ACACA: variants seen among roughly 807,000 people sequenced by gnomAD.
ACACA encodes acetyl-CoA carboxylase 1.
Under a neutral mutation model 296.1 loss-of-function variants are expected in ACACA, and 103 were observed. The ratio of observed to expected loss-of-function variants is 0.35; its 90% confidence interval spans 0.30 to 0.41. The LOEUF is 0.41. Among genes scored for constraint, ACACA ranks in the 10% least tolerant of loss-of-function variants. ACACA has a pLI of 1.00. For synonymous variants in ACACA, 953 were observed against 1,038.6 expected (o/e 0.92, Z 1.58); for missense variants, 1,554 against 2,989.7 (o/e 0.52, Z 11.20).
At chr17:37,212,148 C>A (rs1286089340) in intron 29 of ACACA, among the ~76,000 whole-genome samples, 1 of 152,180 alleles carries the variant, frequency 6.6e-6, no homozygotes, top group Non-Finnish European at 1.5e-5. Context: ...CCTCAGGTTC[C>A]ATTCATCCAG....
In ACACA at chr17:37,223,726, T is replaced by A; in HGVS notation, c.3475-125A>T. 6 of 731,016 alleles carry A rather than the reference T, an allele frequency of 8.2e-6. No individual in the cohort carries two copies. The South Asian group carries it at 8.9e-5, about 11-fold the overall frequency. 45.3% of individuals were successfully genotyped at this position (731,016 alleles called of 1,614,324 possible). On this transcript the variant is annotated intron_variant, in intron 27 of 55. Transcript: ENST00000616317. Reference sequence around the variant, plus strand: ...TTGTCTCTGAATGCCATAATCTCTCTGTGCCTCAGCTTCCTGAGCTACAAA... The same window carrying A: ...TTGTCTCTGAATGCCATAATCTCTCAGTGCCTCAGCTTCCTGAGCTACAAA...
rs191985790 is a variant in ACACA, at chr17:37,190,581, G to A, written c.4572+539C>T. Among the ~76,000 whole-genome samples, 146 of 152,150 alleles carry A rather than the reference G, an allele frequency of 9.6e-4. 1 individual carries two copies. Among genetic ancestry groups the A allele is most frequent in the Middle Eastern group, 3.4e-3 (1 of 294 alleles). ...ATGCATTTCAGAATAGACCCTCAGG[G>A]AAGAAAATATACATAATACATGAGA... On this transcript the variant is annotated intron_variant, in intron 38 of 55. Transcript: ENST00000616317.
At chr17:37,095,415 C>A (rs917817184) in intron 54 of ACACA, among the ~76,000 whole-genome samples, 1 of 152,206 alleles carries the variant, frequency 6.6e-6, no homozygotes, top group East Asian at 1.9e-4. Flanking sequence ...TCCAAAGAAG[C>A]TTTTCAGTCA....
chr17:37,299,971 C>T (rs925523634), intron 3 of ACACA, among the ~76,000 whole-genome samples: 3 of 152,000 alleles, frequency 2.0e-5, no homozygotes, highest in South Asian at 2.1e-4. Flanking sequence ...AAAGTAAGCA[C>T]GTAGAAAGGA....
chr17:37,326,309 G>A (rs752188460), intron 3 of ACACA, among the ~76,000 whole-genome samples: 1 of 152,108 alleles, frequency 6.6e-6, no homozygotes, highest in Admixed American at 6.5e-5. Flanking sequence ...GCCAAGGCAG[G>A]TGGATCACCT....
At chr17:37,248,238 T>C (rs2080813139) in intron 17 of ACACA, 82 bp from the exon 18 acceptor site, 12 of 1,537,674 alleles carry the variant, frequency 7.8e-6, no homozygotes, top group Non-Finnish European at 1.1e-5. Flanking sequence ...AAAATACAGA[T>C]AAGAAAGATC....
intron 3 of ACACA, among the ~76,000 whole-genome samples, chr17:37,296,328 C>CA (rs770322895): frequency 8.7e-6 from 1 of 115,296 alleles, no homozygotes; most frequent in Non-Finnish European, 1.7e-5. Context: ...TTTTTTGAGA[C>CA]AGAGTCTCGC....
At chr17:37,252,705 G>A (rs2081051367) in intron 15 of ACACA, among the ~76,000 whole-genome samples, 181 bp downstream of exon 15, 1 of 152,190 alleles carries the variant, frequency 6.6e-6, no homozygotes, top group Non-Finnish European at 1.5e-5. Context: ...AACATAAAAT[G>A]ACTGTGTGAC....
chr17:37,388,162 A>C (rs2050631304), intron 1 of ACACA, among the ~76,000 whole-genome samples: 1 of 152,062 alleles, frequency 6.6e-6, no homozygotes, highest in Admixed American at 6.6e-5. Flanking sequence ...TGAGAAAAAA[A>C]ATGCATATTA....
chr17:37,278,937 C>T (rs985876213), intron 5 of ACACA, among the ~76,000 whole-genome samples: 12 of 152,246 alleles, frequency 7.9e-5, no homozygotes, highest in African/African-American at 1.9e-4. Flanking sequence ...CATAGGTAAA[C>T]GTGTGCCATG....
chr17:37,275,607 G>A (rs1418614310), intron 8 of ACACA, among the ~76,000 whole-genome samples: 2 of 151,938 alleles, frequency 1.3e-5, no homozygotes. Flanking sequence ...AGGCAGGTCT[G>A]AAGACCCAAT....
chr17:37,197,924 G>C (rs1356724972), intron 35 of ACACA, among the ~76,000 whole-genome samples: 1 of 152,156 alleles, frequency 6.6e-6, no homozygotes, highest in African/African-American at 2.4e-5. Flanking sequence ...CAAGTCACTT[G>C]ATAATTTAAG....
At chr17:37,303,497 G>A (rs934867121) in intron 3 of ACACA, among the ~76,000 whole-genome samples, 11 of 152,010 alleles carry the variant, frequency 7.2e-5, no homozygotes, top group African/African-American at 2.7e-4. Flanking sequence ...CTTTCTCTTG[G>A]GTATACAATA....
intron 1 of ACACA, among the ~76,000 whole-genome samples, chr17:37,380,207 T>C (rs1243594271): frequency 1.4e-5 from 2 of 140,784 alleles, no homozygotes; most frequent in Admixed American, 7.9e-5. Flanking sequence ...TTCTCACTCA[T>C]AGGTGGGAAT....
At chr17:37,133,032 G>A (rs2075174580) in intron 45 of ACACA, among the ~76,000 whole-genome samples, 1 of 152,114 alleles carries the variant, frequency 6.6e-6, no homozygotes, top group South Asian at 2.1e-4. Context: ...CCTAACCAGG[G>A]CTTAACATAC....
intron 1 of ACACA, among the ~76,000 whole-genome samples, chr17:37,377,464 A>C (rs969388811): frequency 6.6e-6 from 1 of 152,082 alleles, no homozygotes; most frequent in Non-Finnish European, 1.5e-5. Context: ...GTTTGAGACC[A>C]GCATAGCCAA....
chr17:37,347,761 AAAG>A (rs2048697771), intron 1 of ACACA, among the ~76,000 whole-genome samples: 3 of 143,898 alleles, frequency 2.1e-5, no homozygotes, highest in African/African-American at 8.5e-5. Context: ...AAAAAAAAAG[AAAG>A]AAAGAAAAAA....
intron 20 of ACACA, 141 bp downstream of exon 20, chr17:37,244,939 G>T: frequency 7.3e-7 from 1 of 1,366,546 alleles, no homozygotes; most frequent in Non-Finnish European, 1.0e-6. Context: ...AATACTACAG[G>T]CACAAATACA....
chr17:37,219,719 ATATAT>A (rs1282626490), intron 29 of ACACA, among the ~76,000 whole-genome samples: 12 of 148,482 alleles, frequency 8.1e-5, no homozygotes, highest in African/African-American at 2.4e-4. Flanking sequence ...CACATTTTTC[ATATAT>A]TATAATATAT....
Sources: allele counts gnomAD v4.1 joint callset (sites outside exome capture counted in the v4.1 genomes callset), GRCh38; gene constraint gnomAD v4.1.1; transcripts MANE v1.5; gene names NCBI Gene and HGNC (gene_info 2026-07-23, HGNC 2026-07-21).